ZFHX3: variants seen among roughly 807,000 people sequenced by gnomAD.
The protein encoded by ZFHX3 is zinc finger homeobox 3.
Under a neutral mutation model 279.1 loss-of-function variants are expected in ZFHX3, and 42 were observed. That is an observed-to-expected ratio of 0.15 (90% CI 0.12 to 0.19). The LOEUF (loss-of-function observed/expected upper bound fraction) is 0.19. Among genes scored for constraint, ZFHX3 ranks in the 10% least tolerant of loss-of-function variants. ZFHX3 has a pLI of 1.00. For synonymous variants in ZFHX3, 2,293 were observed against 1,957.8 expected, an observed-to-expected ratio of 1.17 and a Z score of -4.52; for missense variants, 4,981 against 4,754.0, an observed-to-expected ratio of 1.05 and a Z score of -1.40.
intron 1 of ZFHX3, among the ~76,000 whole-genome samples, chr16:72,967,295 C>T (rs947337834): frequency 6.6e-6 from 1 of 152,116 alleles, no homozygotes; most frequent in Non-Finnish European, 1.5e-5. Context: ...GGAGCATCTA[C>T]TTGTGCTCAA....
Position 73,251,370 on chromosome 16 carries a change from C to T in ZFHX3, c.-1104+5677G>A, listed in dbSNP as rs530053777. Among the ~76,000 whole-genome samples, 4 of 152,254 alleles carry T rather than the reference C, an allele frequency of 2.6e-5. No homozygotes were observed. The South Asian group carries it at 8.3e-4, about 32-fold the overall frequency. ...ATAACGATGATGATAATGACAACAG[C>T]GAGCACGGAGCACTGTTAGGGGCCA... is the stretch of plus-strand genomic sequence containing the variant. On this transcript the variant is annotated intron_variant, in intron 5 of 17. Coordinates refer to the ZFHX3 transcript ENST00000641206.
intron 5 of ZFHX3, among the ~76,000 whole-genome samples, chr16:73,163,393 G>C (rs1222276172): frequency 1.3e-5 from 2 of 152,146 alleles, no homozygotes; most frequent in Admixed American, 6.5e-5. Flanking sequence ...TACAAGCTGG[G>C]GCTCACAGGC....
intron 5 of ZFHX3, among the ~76,000 whole-genome samples, chr16:73,246,480 C>T (rs1038639118): frequency 6.6e-6 from 1 of 152,182 alleles, no homozygotes; most frequent in Non-Finnish European, 1.5e-5. Flanking sequence ...GCTGGGTCAT[C>T]GCCAGCCATC....
intron 1 of ZFHX3, among the ~76,000 whole-genome samples, chr16:73,744,732 A>G (rs914988696): frequency 5.9e-5 from 9 of 152,120 alleles, no homozygotes; most frequent in African/African-American, 2.2e-4. Context: ...TTGATTCAAG[A>G]CCAGTCGATA....
chr16:73,131,778 A>G (rs1381865426), intron 6 of ZFHX3, among the ~76,000 whole-genome samples: 5 of 152,208 alleles, frequency 3.3e-5, no homozygotes, highest in African/African-American at 7.2e-5. Context: ...ACTGTATTCC[A>G]GTTCTACCAC....
intron 5 of ZFHX3, among the ~76,000 whole-genome samples, chr16:73,255,991 T>C (rs1005750182): frequency 1.3e-5 from 2 of 152,110 alleles, no homozygotes; most frequent in African/African-American, 2.4e-5. Context: ...CATTTCACAG[T>C]GATGACACCC....
intron 1 of ZFHX3, among the ~76,000 whole-genome samples, chr16:72,969,109 G>A (rs1215063941): frequency 6.6e-6 from 1 of 152,160 alleles, no homozygotes; most frequent in African/African-American, 2.4e-5. Context: ...AAACTGTCCA[G>A]AGTAAAAATT....
chr16:73,109,503 C>A (rs1966345062), intron 7 of ZFHX3, among the ~76,000 whole-genome samples: 1 of 151,796 alleles, frequency 6.6e-6, no homozygotes, highest in Admixed American at 6.6e-5. Flanking sequence ...CAGCACGACA[C>A]AGGTTACGTG....
intron 3 of ZFHX3, among the ~76,000 whole-genome samples, chr16:73,345,677 T>C (rs1567456462): frequency 6.6e-6 from 1 of 152,204 alleles, no homozygotes; most frequent in Admixed American, 6.5e-5. Context: ...TCTTGGATAT[T>C]GTGAGTAGTG....
chr16:73,792,940 G>C (rs541227678), intron 1 of ZFHX3, among the ~76,000 whole-genome samples: 2 of 147,854 alleles, frequency 1.4e-5, no homozygotes, highest in East Asian at 2.0e-4. Context: ...GTTTGTTACA[G>C]AGAGCAGGTC....
intron 3 of ZFHX3, among the ~76,000 whole-genome samples, chr16:73,366,176 G>A (rs2016525148): frequency 6.6e-6 from 1 of 152,190 alleles, no homozygotes; most frequent in African/African-American, 2.4e-5. Flanking sequence ...TGGGAATGAT[G>A]TTGGCAAATC....
chr16:73,126,305 G>A (rs566224635), intron 7 of ZFHX3, among the ~76,000 whole-genome samples: 3 of 152,290 alleles, frequency 2.0e-5, no homozygotes, highest in African/African-American at 7.2e-5. Flanking sequence ...CAATCAGCGA[G>A]AGGATACTGC....
Position 72,788,514 on chromosome 16 carries a change from C to T in ZFHX3, c.9762G>A (p.Leu3254=), listed in dbSNP as rs200494508. 85 of 1,614,188 alleles carry T rather than the reference C, an allele frequency of 5.3e-5. No individual in the cohort carries two copies. Among genetic ancestry groups the T allele is most frequent in the Admixed American group, 2.0e-4 (12 of 60,036 alleles). The change falls in exon 10 of 10, where the codon CTG becomes CTA. Residue 3254 remains leucine (L), a synonymous_variant. Coordinates refer to ENST00000268489, the MANE Select transcript of ZFHX3 (RefSeq NM_006885.4). The stretch of plus-strand genomic sequence containing the variant: ...CTCCTTTCTCCTTCTTGGGGACAGG[C>T]AGGGGTTCCCCTTTCCCTTTGTGTG... ...EKAHKGKGEP[L]PVPKKEKGEA... is the part of the protein sequence containing the mutation.
chr16:73,413,131 G>A (rs1474879988), intron 3 of ZFHX3, among the ~76,000 whole-genome samples: 2 of 152,226 alleles, frequency 1.3e-5, no homozygotes, highest in Non-Finnish European at 2.9e-5. Context: ...AGGCCACAGA[G>A]ATTCAGAAAA....
intron 3 of ZFHX3, among the ~76,000 whole-genome samples, chr16:73,432,095 G>A (rs13380616): frequency 0.025 from 3,834 of 152,226 alleles, 144 homozygotes; most frequent in African/African-American, 0.088. Context: ...TCTCCGCCTA[G>A]GTATGGATGA....
At chr16:73,206,943 G>A (rs1484802408) in intron 5 of ZFHX3, among the ~76,000 whole-genome samples, 1 of 151,868 alleles carries the variant, frequency 6.6e-6, no homozygotes, top group African/African-American at 2.4e-5. Flanking sequence ...ACTTGAACCT[G>A]AGAGGTGGAG....
intron 9 of ZFHX3, 46 bp from the exon 10 acceptor site, chr16:72,788,894 T>C: frequency 6.6e-7 from 1 of 1,508,040 alleles, no homozygotes; most frequent in Non-Finnish European, 8.8e-7. Context: ...TGGGCAGGGG[T>C]AGGGCTGAAG....
chr16:73,740,748 C>T (rs1465307231), intron 1 of ZFHX3, among the ~76,000 whole-genome samples: 1 of 152,160 alleles, frequency 6.6e-6, no homozygotes, highest in Non-Finnish European at 1.5e-5. Context: ...AAAGACCTGC[C>T]AAGCCCCAGA....
chr16:73,082,374 T>C (rs1965958529), intron 8 of ZFHX3, among the ~76,000 whole-genome samples: 1 of 152,082 alleles, frequency 6.6e-6, no homozygotes, highest in Non-Finnish European at 1.5e-5. Flanking sequence ...TTCACGCCAT[T>C]CTTCTGCCTC....
Sources: allele counts gnomAD v4.1 joint callset (sites outside exome capture counted in the v4.1 genomes callset), GRCh38; gene constraint gnomAD v4.1.1; transcripts MANE v1.5; gene names NCBI Gene and HGNC (gene_info 2026-07-23, HGNC 2026-07-21).